Variants in FBXO42 observed in about 807,000 individuals in gnomAD.
FBXO42 encodes F-box protein 42.
Under a neutral mutation model 71.7 loss-of-function variants are expected in FBXO42, and 12 were observed. That is an observed-to-expected ratio of 0.17 (90% CI 0.11 to 0.27). FBXO42 has a LOEUF of 0.27. Ranked by LOEUF, FBXO42 falls within the 10% of genes least tolerant of loss-of-function variation. The probability of loss-of-function intolerance (pLI) is 1.00; values close to 1 mark genes in which losing one functional copy is unlikely to be tolerated. For synonymous variants in FBXO42, 325 were observed against 327.5 expected (o/e 0.99, Z 0.08); for missense variants, 707 against 911.9 (o/e 0.78, Z 2.89).
chr1:16,328,783 TAGG>T (rs2082471692), intron 1 of FBXO42, among the ~76,000 whole-genome samples: 1 of 152,098 alleles, frequency 6.6e-6, no homozygotes. Flanking sequence ...CGGCAGAATC[TAGG>T]AGGACAGGAA....
chr1:16,260,403 T>TTCACCATG (rs1009836637), intron 4 of FBXO42, among the ~76,000 whole-genome samples: 1 of 152,080 alleles, frequency 6.6e-6, no homozygotes, highest in African/African-American at 2.4e-5. Flanking sequence ...GAGACGGGGT[T>TTCACCATG]TCACCATGTT....
At chr1:16,272,291 C>T (rs992558885) in intron 4 of FBXO42, among the ~76,000 whole-genome samples, 1 of 151,300 alleles carries the variant, frequency 6.6e-6, no homozygotes, top group East Asian at 2.0e-4. Context: ...CAGAGTTTCG[C>T]TCTTGTTACC....
chr1:16,330,122 G>A (rs771179059), intron 1 of FBXO42, among the ~76,000 whole-genome samples: 32 of 152,328 alleles, frequency 2.1e-4, no homozygotes, highest in Non-Finnish European at 4.3e-4. Flanking sequence ...CACTAAGCTA[G>A]TTTTACAATG....
At chr1:16,330,355 C>T (rs1053087952) in intron 1 of FBXO42, among the ~76,000 whole-genome samples, 2 of 133,346 alleles carry the variant, frequency 1.5e-5, no homozygotes, top group South Asian at 4.3e-4. Context: ...GGCCCTGTTT[C>T]CACAAAAAAA....
At chr1:16,316,578 T>A (rs914088628) in intron 1 of FBXO42, among the ~76,000 whole-genome samples, 1 of 150,444 alleles carries the variant, frequency 6.6e-6, no homozygotes, top group African/African-American at 2.4e-5. Context: ...TCTACTAAAA[T>A]ACAAAAATTA....
intron 4 of FBXO42, among the ~76,000 whole-genome samples, chr1:16,289,953 G>A (rs901304998): frequency 6.6e-5 from 10 of 152,058 alleles, no homozygotes; most frequent in African/African-American, 1.7e-4. Context: ...ACTTCATTCC[G>A]TTTGTTTCCT....
chr1:16,265,385 C>G (rs2081760351), intron 4 of FBXO42, among the ~76,000 whole-genome samples: 1 of 152,050 alleles, frequency 6.6e-6, no homozygotes, highest in Non-Finnish European at 1.5e-5. Flanking sequence ...GCTACCGTGC[C>G]CGGCCTAAAA....
chr1:16,327,739 G>A (rs1377074708), intron 1 of FBXO42, among the ~76,000 whole-genome samples: 1 of 152,218 alleles, frequency 6.6e-6, no homozygotes, highest in East Asian at 1.9e-4. Flanking sequence ...GTCTCGCTCT[G>A]TTGCCCAGGC....
chr1:16,314,998 A>G (rs551495894), intron 2 of FBXO42, among the ~76,000 whole-genome samples, 171 bp downstream of exon 2: 1 of 152,326 alleles, frequency 6.6e-6, no homozygotes, highest in Admixed American at 6.5e-5. Context: ...TTCAGTATTC[A>G]AGCTGTTCAT....
At chr1:16,334,422 A>G (rs2082531848) in intron 1 of FBXO42, among the ~76,000 whole-genome samples, 1 of 150,982 alleles carries the variant, frequency 6.6e-6, no homozygotes, top group African/African-American at 2.4e-5. Context: ...CCGCCTCAAA[A>G]AAAAAAAAAA....
chr1:16,352,153 T>G lies in FBXO42; in HGVS notation c.-18+102A>C, dbSNP rs369393217. Reference sequence around the variant, plus strand: ...CGACCCCCGCGTGGGATACGGGGCCTGCGTCAGACCCCGGGCGCCCGCTGC... The same window carrying G: ...CGACCCCCGCGTGGGATACGGGGCCGGCGTCAGACCCCGGGCGCCCGCTGC... On this transcript the variant is annotated intron_variant, in intron 1 of 9. Transcript: ENST00000375592. 6 of 388,990 alleles carry G rather than the reference T, an allele frequency of 1.5e-5. No individual in the cohort carries two copies. The South Asian group carries it at 8.6e-4, about 56-fold the overall frequency. The allele number at this position is 388,990 out of a possible 1,614,324, so 24.1% of individuals were successfully genotyped here.
At chr1:16,344,019 C>T (rs910904288) in intron 1 of FBXO42, among the ~76,000 whole-genome samples, 2 of 149,280 alleles carry the variant, frequency 1.3e-5, no homozygotes, top group African/African-American at 4.9e-5. Context: ...TTTTTTGAAA[C>T]AGAGTTTCAC....
intron 4 of FBXO42, among the ~76,000 whole-genome samples, chr1:16,263,550 C>T (rs1459031319): frequency 2.6e-5 from 4 of 151,274 alleles, no homozygotes; most frequent in South Asian, 4.2e-4. Context: ...GGTGAAGCCC[C>T]GTCTCTACTA....
At chr1:16,351,622 A>AT (rs2082703739) in intron 1 of FBXO42, among the ~76,000 whole-genome samples, 2 of 152,214 alleles carry the variant, frequency 1.3e-5, no homozygotes, top group Admixed American at 6.5e-5. Flanking sequence ...TCGCTTACAA[A>AT]TTCGTTCCCA....
intron 4 of FBXO42, among the ~76,000 whole-genome samples, chr1:16,290,584 C>T (rs1472395716): frequency 1.3e-5 from 2 of 151,874 alleles, no homozygotes; most frequent in African/African-American, 2.4e-5. Flanking sequence ...TCCAGCTACT[C>T]GGGAGGCTGA....
chr1:16,298,404 C>T (rs561401087), intron 3 of FBXO42, among the ~76,000 whole-genome samples: 7 of 152,256 alleles, frequency 4.6e-5, no homozygotes, highest in Admixed American at 3.9e-4. Context: ...AAAAATGGGG[C>T]AATTTTGAAA....
In FBXO42 at chr1:16,247,122, G is replaced by C. The variant is rs1399667418; in HGVS notation, c.*3548C>G. 3 of 152,244 alleles carry C rather than the reference G, an allele frequency of 2.0e-5. No homozygotes were observed. Among genetic ancestry groups the C allele is most frequent in the African/African-American group, 2.4e-5 (1 of 41,436 alleles). The allele number at this position is 152,244 out of a possible 1,614,324, so 9.4% of individuals were successfully genotyped here. A position where few individuals can be genotyped will look rare whatever the true frequency, so the allele number is the denominator to read the frequency against. On this transcript the variant is annotated 3_prime_UTR_variant, in exon 10 of 10. Coordinates refer to ENST00000375592, the MANE Select transcript of FBXO42 (RefSeq NM_018994.3). The stretch of plus-strand genomic sequence containing the variant: ...CAGAGCAAGTAGAGTGTACAATGGA[G>C]CCAACACCTAAAGTTTGCTCTCATT...
intron 1 of FBXO42, among the ~76,000 whole-genome samples, chr1:16,318,049 T>C (rs545451717): frequency 1.3e-5 from 2 of 152,270 alleles, no homozygotes; most frequent in African/African-American, 2.4e-5. Flanking sequence ...TGTTTCCTGA[T>C]TGGGTACTGG....
chr1:16,293,523 G>C (rs1261098147), intron 4 of FBXO42: 2 of 152,086 alleles, frequency 1.3e-5, no homozygotes, highest in African/African-American at 2.4e-5. Flanking sequence ...TCCTCCTCCT[G>C]GTGTGGCCAT....
Sources: gnomAD v4.1 joint callset for allele counts (sites outside exome capture counted in the v4.1 genomes callset) on GRCh38, gnomAD v4.1.1 for gene constraint, MANE v1.5 for transcripts, NCBI Gene and HGNC (gene_info 2026-07-23, HGNC 2026-07-21) for gene names.